FNDC3B: variants seen among roughly 807,000 people sequenced by gnomAD.
The protein encoded by FNDC3B is fibronectin type III domain-containing protein 3B.
A neutral mutation model predicts 151.5 loss-of-function variants in FNDC3B; 12 were observed. The observed-to-expected ratio is 0.08, with a 90% CI of 0.05 to 0.13. The LOEUF (loss-of-function observed/expected upper bound fraction) is 0.13. Ranked by LOEUF, FNDC3B falls within the 10% of genes least tolerant of loss-of-function variation. The probability of loss-of-function intolerance (pLI) is 1.00; values close to 1 mark genes in which losing one functional copy is unlikely to be tolerated. For synonymous variants in FNDC3B, 528 were observed against 549.0 expected (o/e 0.96, Z 0.54); for missense variants, 1,214 against 1,505.3 (o/e 0.81, Z 3.20).
intron 3 of FNDC3B, among the ~76,000 whole-genome samples, chr3:172,154,452 G>C (rs1335431678): frequency 6.6e-6 from 1 of 152,078 alleles, no homozygotes; most frequent in South Asian, 2.1e-4. Context: ...GTGATCCGCC[G>C]TCCTCCGCCT....
intron 23 of FNDC3B, among the ~76,000 whole-genome samples, chr3:172,364,230 G>A (rs1734497496): frequency 6.6e-6 from 1 of 152,094 alleles, no homozygotes; most frequent in Non-Finnish European, 1.5e-5. Context: ...AACAGGAGAG[G>A]GCTGGCAAGA....
At chr3:172,307,708 T>C (rs535901833) in intron 10 of FNDC3B, among the ~76,000 whole-genome samples, 4 of 152,258 alleles carry the variant, frequency 2.6e-5, no homozygotes, top group African/African-American at 9.6e-5. Context: ...ATAAGGTCAG[T>C]CTATAGCCAT....
At chr3:172,234,620 C>T (rs568352655) in intron 4 of FNDC3B, among the ~76,000 whole-genome samples, 1 of 152,296 alleles carries the variant, frequency 6.6e-6, no homozygotes, top group African/African-American at 2.4e-5. Flanking sequence ...ATTTTATTGA[C>T]TAGAATGCTA....
intron 3 of FNDC3B, among the ~76,000 whole-genome samples, chr3:172,194,045 C>T (rs1390411865): frequency 6.6e-6 from 1 of 151,944 alleles, no homozygotes; most frequent in Admixed American, 6.6e-5. Flanking sequence ...ACAGTGAAAC[C>T]CCGTCTCTAC....
chr3:172,284,748 C>T (rs1729918793), intron 6 of FNDC3B, among the ~76,000 whole-genome samples: 1 of 146,512 alleles, frequency 6.8e-6, no homozygotes, highest in Non-Finnish European at 1.5e-5. Flanking sequence ...TTTGGGTTAC[C>T]TTTACTACAG....
chr3:172,316,224 C>A (rs1417212124), intron 11 of FNDC3B, among the ~76,000 whole-genome samples: 1 of 152,040 alleles, frequency 6.6e-6, no homozygotes, highest in East Asian at 1.9e-4. Flanking sequence ...TGGTCTCCAA[C>A]TCCTGACCTC....
intron 1 of FNDC3B, among the ~76,000 whole-genome samples, chr3:172,069,318 G>T (rs567041204): frequency 1.3e-5 from 2 of 152,168 alleles, no homozygotes; most frequent in South Asian, 4.1e-4. Flanking sequence ...AATCAAATCG[G>T]ATGTTCTTAG....
intron 23 of FNDC3B, among the ~76,000 whole-genome samples, chr3:172,365,748 T>C (rs960674175): frequency 6.6e-6 from 1 of 152,242 alleles, no homozygotes; most frequent in Non-Finnish European, 1.5e-5. Context: ...AGAAAGCTGC[T>C]GATGTCTGAG....
intron 2 of FNDC3B, among the ~76,000 whole-genome samples, chr3:172,128,493 A>G (rs1445142602): frequency 6.7e-6 from 1 of 150,080 alleles, no homozygotes; most frequent in Non-Finnish European, 1.5e-5. Flanking sequence ...GGGGTCTCAA[A>G]GGTGTGTGTG....
At chr3:172,059,263 TAAAAA>T (rs111346033) in intron 1 of FNDC3B, among the ~76,000 whole-genome samples, 1 of 151,234 alleles carries the variant, frequency 6.6e-6, no homozygotes, top group Non-Finnish European at 1.5e-5. Context: ...ATATTTCACT[TAAAAA>T]AAAAGAGTGA....
intron 3 of FNDC3B, among the ~76,000 whole-genome samples, chr3:172,193,965 A>T (rs558649944): frequency 1.5e-4 from 23 of 152,306 alleles, no homozygotes; most frequent in African/African-American, 5.5e-4. Context: ...TCACGTCTGT[A>T]ATCCCAGCAC....
chr3:172,258,233 T>G (rs1728464804), intron 6 of FNDC3B, among the ~76,000 whole-genome samples: 1 of 152,194 alleles, frequency 6.6e-6, no homozygotes, highest in Non-Finnish European at 1.5e-5. Flanking sequence ...CTCAGTTGCA[T>G]TTTAGATCAC....
At chr3:172,079,074 A>G (rs935837414) in intron 1 of FNDC3B, among the ~76,000 whole-genome samples, 1 of 152,208 alleles carries the variant, frequency 6.6e-6, no homozygotes, top group Non-Finnish European at 1.5e-5. Context: ...AGAGACTGAC[A>G]TTTATATAAG....
chr3:172,147,315 A>C (rs1371374580), intron 3 of FNDC3B, among the ~76,000 whole-genome samples: 1 of 151,404 alleles, frequency 6.6e-6, no homozygotes. Flanking sequence ...CCAAACAAAA[A>C]AAAAAAAAAA....
Position 172,187,006 on chromosome 3 carries a change from G to A in FNDC3B, c.188-39865G>A, listed in dbSNP as rs377345436. ...CTTGGCTTTACTGTAGTTTAAGGCA[G>A]GTGATGATGATGCTTATTAGTCCAC... On this transcript the variant is annotated intron_variant, in intron 3 of 25. Coordinates refer to ENST00000415807, the MANE Select transcript of FNDC3B (RefSeq NM_022763.4). The A allele has an allele frequency of 7.4e-4, 281 of 380,646 alleles. 7 individuals are homozygous for A. The South Asian group carries it at 0.016, about 22-fold the overall frequency. 23.6% of individuals were successfully genotyped at this position (380,646 alleles called of 1,614,324 possible). A position where few individuals can be genotyped will look rare whatever the true frequency, so the allele number is the denominator to read the frequency against.
chr3:172,378,291 A>G lies in FNDC3B; in HGVS notation c.3030A>G (p.Gly1010=). Reference sequence around the variant, plus strand: ...CTAGGTTTATTTCAATCTACAGAGGACCCAGCCACACCTACAAGGTCCAGA... The same window carrying G: ...CTAGGTTTATTTCAATCTACAGAGGGCCCAGCCACACCTACAAGGTCCAGA... ...RNKRFISIYR[G]PSHTYKVQRL... The change falls in exon 24 of 26, where the codon GGA becomes GGG. Residue 1010 remains glycine, a synonymous_variant. Coordinates refer to ENST00000415807, the MANE Select transcript of FNDC3B (RefSeq NM_022763.4). 6.2e-7 allele frequency: 1 copy of G among 1,607,396 alleles called. No individual in the cohort carries two copies. The highest frequency in any genetic ancestry group is 8.5e-7 in the Non-Finnish European group (1 of 1,178,006).
chr3:172,041,454 T>C (rs371011374), intron 1 of FNDC3B, among the ~76,000 whole-genome samples: 1 of 139,250 alleles, frequency 7.2e-6, no homozygotes, highest in South Asian at 2.3e-4. Context: ...TCCTTCCTTC[T>C]CTTCTCCTCC....
chr3:172,195,048 A>C (rs1453040585), intron 3 of FNDC3B, among the ~76,000 whole-genome samples: 1 of 152,232 alleles, frequency 6.6e-6, no homozygotes, highest in Non-Finnish European at 1.5e-5. Flanking sequence ...GTCTGTAAAA[A>C]CTGAAAGAAA....
intron 1 of FNDC3B, among the ~76,000 whole-genome samples, chr3:172,106,143 C>G (rs1321376149): frequency 6.6e-6 from 1 of 152,154 alleles, no homozygotes; most frequent in Non-Finnish European, 1.5e-5. Context: ...CACATACATT[C>G]TACTTACTTG....
Sources: allele counts gnomAD v4.1 joint callset (sites outside exome capture counted in the v4.1 genomes callset), GRCh38; gene constraint gnomAD v4.1.1; transcripts MANE v1.5; gene names NCBI Gene and HGNC (gene_info 2026-07-23, HGNC 2026-07-21).